RAP1GAP: variants seen among roughly 807,000 people sequenced by gnomAD.
RAP1GAP encodes rap1 GTPase-activating protein 1.
In RAP1GAP, 35 loss-of-function variants were observed where a neutral mutation model predicts 87.2. That is an observed-to-expected ratio of 0.40 (90% CI 0.31 to 0.53). The LOEUF is 0.53. Among genes scored for constraint, RAP1GAP ranks in the 20% least tolerant of loss-of-function variants. RAP1GAP has a pLI of 0.48. For missense variants in RAP1GAP, 734 were observed against 898.9 expected, an observed-to-expected ratio of 0.82 and a Z score of 2.35; for synonymous variants, 375 against 363.9, an observed-to-expected ratio of 1.03 and a Z score of -0.35.
At chr1:21,598,145 C>A in intron 22 of RAP1GAP, 81 bp from the exon 23 acceptor site, 1 of 924,742 alleles carries the variant, frequency 1.1e-6, no homozygotes, top group Non-Finnish European at 1.6e-6. Flanking sequence ...GGGCGGTCGG[C>A]ACCAGTGCGC....
At chr1:21,651,794 A>T in intron 1 of RAP1GAP, 1 of 1,382,372 alleles carries the variant, frequency 7.2e-7, no homozygotes, top group South Asian at 1.5e-5. Flanking sequence ...GTAGGCCCCG[A>T]AGGTGAAGCT....
chr1:21,653,821 G>A (rs148828720), intron 1 of RAP1GAP, among the ~76,000 whole-genome samples: 3 of 152,158 alleles, frequency 2.0e-5, no homozygotes, highest in Non-Finnish European at 2.9e-5. Flanking sequence ...CATCCCCTTC[G>A]ACATGGACCT....
At chr1:21,652,071 T>G (rs1178932799) in intron 1 of RAP1GAP, among the ~76,000 whole-genome samples, 2 of 151,282 alleles carry the variant, frequency 1.3e-5, no homozygotes, top group Non-Finnish European at 3.0e-5. Flanking sequence ...GGGCGGGGAT[T>G]GCGGGGCCCG....
At chr1:21,614,452 C>T (rs1288540783) in intron 7 of RAP1GAP, among the ~76,000 whole-genome samples, 3 of 152,196 alleles carry the variant, frequency 2.0e-5, no homozygotes, top group East Asian at 1.9e-4. Context: ...GGACCATATT[C>T]GGACCTGCAT....
At chr1:21,624,287 T>G (rs2150142287) in intron 3 of RAP1GAP, among the ~76,000 whole-genome samples, 1 of 152,286 alleles carries the variant, frequency 6.6e-6, no homozygotes, top group South Asian at 2.1e-4. Flanking sequence ...CCTGGGAATG[T>G]AATGACGCTG....
Position 21,601,676 on chromosome 1 carries a change from G to T in RAP1GAP, c.1652+8C>A. 1.3e-6 allele frequency: 2 copies of T among 1,595,104 alleles called. No individual in the cohort carries two copies. Among genetic ancestry groups the T allele is most frequent in the Non-Finnish European group, 8.6e-7 (1 of 1,167,658 alleles). On this transcript the variant is annotated splice_region_variant and intron_variant, in intron 20 of 24. Transcript: ENST00000374765. ...AGCCCCCAAGCCCCACGTGCCCTGA[G>T]CCCCAACCTGTTCTTGGTCGTGGGC... is the stretch of plus-strand genomic sequence containing the variant.
rs1264169526 is a variant in RAP1GAP, at chr1:21,651,949, CGGGCCGCGGTCCAGCTGCCGG to C, written c.-148-2174_-148-2154del. The C allele has an allele frequency of 8.5e-6, 7 of 820,750 alleles. No homozygotes were observed. The Admixed American group carries it at 3.7e-4, about 44-fold the overall frequency. The allele number at this position is 820,750 out of a possible 1,614,324, so 50.8% of individuals were successfully genotyped here. A position where few individuals can be genotyped will look rare whatever the true frequency, so the allele number is the denominator to read the frequency against. Reference sequence around the variant, plus strand: ...CAGCTCGGATACGTCCGCGCCCCAGCGGGCCGCGGTCCAGCTGCCGGGGGCCGCCGGCGCAGAAAGGGCCGC... The same window carrying C: ...CAGCTCGGATACGTCCGCGCCCCAGCGGGCCGCCGGCGCAGAAAGGGCCGC... On this transcript the variant is annotated intron_variant, in intron 1 of 24. Coordinates refer to ENST00000374765, the MANE Select transcript of RAP1GAP (RefSeq NM_002885.4).
At chr1:21,656,466 GGAAA>G in intron 1 of RAP1GAP, among the ~76,000 whole-genome samples, 1 of 147,156 alleles carries the variant, frequency 6.8e-6, no homozygotes, top group African/African-American at 2.5e-5. Flanking sequence ...ACCTAACAAC[GGAAA>G]GATACATTTG....
intron 2 of RAP1GAP, among the ~76,000 whole-genome samples, chr1:21,642,168 G>A (rs1161826248): frequency 1.3e-5 from 2 of 152,216 alleles, no homozygotes; most frequent in African/African-American, 2.4e-5. Flanking sequence ...CAGTGCCCAC[G>A]GCTGGGGTGT....
intron 13 of RAP1GAP, among the ~76,000 whole-genome samples, 174 bp from the exon 14 acceptor site, chr1:21,610,449 T>G (rs150677690): frequency 6.6e-6 from 1 of 152,136 alleles, no homozygotes; most frequent in African/African-American, 2.4e-5. Context: ...AGTTGAAAAA[T>G]GGCCTGTTTG....
intron 10 of RAP1GAP, among the ~76,000 whole-genome samples, chr1:21,612,729 C>T (rs1390425236): frequency 1.3e-5 from 2 of 152,216 alleles, no homozygotes; most frequent in African/African-American, 4.8e-5. Flanking sequence ...GAAGCCCGTG[C>T]CCCTATCCCC....
At position 21,643,567 on chromosome 1, in the gene RAP1GAP, A is replaced by AG. The variant is rs1413437250; in HGVS notation, c.-113+6193_-113+6194insC. 2.0e-5 allele frequency among the ~76,000 whole-genome samples: 3 copies of AG among 147,576 alleles called. No individual in the cohort carries two copies. In the East Asian group the frequency reaches 5.8e-4, roughly 29 times the overall value. ...GCAAGACTCCGTCTCAAAAAAAAAA[A>AG]AAAAAAAAGAAAAAAGAAAAAAAGA... On this transcript the variant is annotated intron_variant, in intron 2 of 24. Transcript: ENST00000374765.
At chr1:21,642,875 TACACACACACACACACACAC>T (rs61497285) in intron 2 of RAP1GAP, among the ~76,000 whole-genome samples, 20 of 134,226 alleles carry the variant, frequency 1.5e-4, no homozygotes, top group Non-Finnish European at 2.5e-4. Flanking sequence ...CCTTCCCCAC[TACACACACACACACACACAC>T]ACACACACAC....
intron 21 of RAP1GAP, among the ~76,000 whole-genome samples, chr1:21,599,005 G>A (rs1176923564): frequency 1.3e-5 from 2 of 152,260 alleles, no homozygotes; most frequent in African/African-American, 2.4e-5. Flanking sequence ...CTGTGAGAAC[G>A]TAAAGGGGCT....
chr1:21,640,453 G>C (rs1321965958), intron 2 of RAP1GAP, among the ~76,000 whole-genome samples: 2 of 152,362 alleles, frequency 1.3e-5, no homozygotes, highest in East Asian at 1.9e-4. Flanking sequence ...CTGCATGAAT[G>C]AATGTGTATG....
In RAP1GAP at chr1:21,608,883, G is replaced by A; in HGVS notation, c.1125C>T (p.Ala375=). ...LLTKLINAEY[A]CYKAEKFAKL... ...TGGCAAACTTCTCTGCCTTGTAGCA[G>A]GCATATTCAGCATTGATCAGCTTTG... Residue 375 remains alanine, a synonymous_variant, in exon 16 of 25, where the codon GCC becomes GCT. Coordinates refer to ENST00000374765, the MANE Select transcript of RAP1GAP (RefSeq NM_002885.4). 3 of 1,614,140 alleles carry A rather than the reference G, an allele frequency of 1.9e-6. No homozygotes were observed. The highest frequency in any genetic ancestry group is 1.3e-5 in the African/African-American group (1 of 75,028).
intron 1 of RAP1GAP, among the ~76,000 whole-genome samples, chr1:21,650,733 T>G (rs1477677559): frequency 6.6e-6 from 1 of 152,214 alleles, no homozygotes; most frequent in African/African-American, 2.4e-5. Flanking sequence ...CTGCCCGTGT[T>G]GGCTGGCCAG....
At chr1:21,636,736 G>C (rs905266108) in intron 2 of RAP1GAP, among the ~76,000 whole-genome samples, 2 of 151,920 alleles carry the variant, frequency 1.3e-5, no homozygotes, top group Non-Finnish European at 2.9e-5. Context: ...GAACCCGGGA[G>C]ATGGAGGTTG....
chr1:21,654,320 G>A lies in RAP1GAP; in HGVS notation c.-148-4524C>T, dbSNP rs117277338. ...TGAGGCATGTGCTTATATCCTCACC[G>A]TTGAAGGCTAAAATCTCAGCTCTCC... On this transcript the variant is annotated intron_variant, in intron 1 of 24. Transcript: ENST00000374765. Among the ~76,000 whole-genome samples the A allele has an allele frequency of 2.0e-4, 30 of 152,340 alleles. No individual in the cohort carries two copies. The East Asian group carries it at 5.8e-3, about 29-fold the overall frequency.
Sources: allele counts gnomAD v4.1 joint callset (sites outside exome capture counted in the v4.1 genomes callset), GRCh38; gene constraint gnomAD v4.1.1; transcripts MANE v1.5; gene names NCBI Gene and HGNC (gene_info 2026-07-23, HGNC 2026-07-21).